The following CNTLN variants were observed in gnomAD, a reference collection of about 807,000 sequenced individuals.
The protein encoded by CNTLN is centlein, also known as centlein, centrosomal protein.
CNTLN carries 212 observed loss-of-function variants against 180.0 expected under a neutral mutation model. The observed-to-expected ratio is 1.18, with a 90% CI of 1.05 to 1.32. CNTLN has a LOEUF of 1.32. Ranked by LOEUF, CNTLN falls within the 40% of genes most tolerant of loss-of-function variation. The pLI, the probability that CNTLN is intolerant of heterozygous loss-of-function variation, is 0.00. For missense variants in CNTLN, 2,095 were observed against 1,610.9 expected, an observed-to-expected ratio of 1.30 and a Z score of -5.14; for synonymous variants, 722 against 563.1, an observed-to-expected ratio of 1.28 and a Z score of -3.99.
intron 5 of CNTLN, among the ~76,000 whole-genome samples, chr9:17,249,517 T>G (rs1826010054): frequency 6.6e-6 from 1 of 151,650 alleles, no homozygotes; most frequent in East Asian, 1.9e-4. Flanking sequence ...CCTGGCTAAT[T>G]TTTTTGTATT....
rs776500259 is a variant in CNTLN at position 17,394,584 on chromosome 9, A to G, written c.2130A>G (p.Lys710=). Residue 710 remains lysine, a synonymous_variant, in exon 15 of 26, where the codon AAA becomes AAG. Coordinates refer to ENST00000380647, the MANE Select transcript of CNTLN (RefSeq NM_017738.4). ...RLKSFEKRSR[K]LKEGNKKLMK... is the part of the protein sequence containing the mutation. Reference sequence around the variant, plus strand: ...AATCTTTTGAGAAAAGGTCGAGAAAATTAAAAGAAGGGAATAAAAAATTAA... The same window carrying G: ...AATCTTTTGAGAAAAGGTCGAGAAAGTTAAAAGAAGGGAATAAAAAATTAA... 3.1e-6 allele frequency: 5 copies of G among 1,593,422 alleles called. No homozygotes were observed. The highest frequency in any genetic ancestry group is 4.3e-6 in the Non-Finnish European group (5 of 1,174,512).
chr9:17,306,213 G>A (rs1003455279), intron 7 of CNTLN, among the ~76,000 whole-genome samples: 2 of 146,254 alleles, frequency 1.4e-5, no homozygotes, highest in African/African-American at 2.5e-5. Flanking sequence ...GCAATGGCAC[G>A]ATCTCATCTC....
chr9:17,258,884 TG>T (rs1473142879), intron 5 of CNTLN, among the ~76,000 whole-genome samples: 13 of 145,994 alleles, frequency 8.9e-5, no homozygotes, highest in African/African-American at 3.4e-4. Context: ...GCTGAGACAG[TG>T]GGGTTTTCTA....
rs114129881 is a variant in CNTLN, at chr9:17,394,932, C to T, written c.2478C>T (p.Thr826=). The change falls in exon 15 of 26, where the codon ACC becomes ACT. Residue 826 remains threonine, a synonymous_variant. Coordinates refer to ENST00000380647, the MANE Select transcript of CNTLN (RefSeq NM_017738.4). ...SGRYDCKTTM[T]KVKFKAAKKN... ...GATATGATTGTAAGACAACTATGACCAAGGTTAAATTTAAAGCTGCGAAGA... is the reference window on the plus strand; with the variant it reads ...GATATGATTGTAAGACAACTATGACTAAGGTTAAATTTAAAGCTGCGAAGA... The T allele has an allele frequency of 6.6e-4, 1,073 of 1,614,006 alleles. 6 individuals are homozygous for T. In the African/African-American group the frequency reaches 0.012, roughly 18 times the overall value.
At chr9:17,226,085 G>A (rs183552338) in intron 2 of CNTLN, 118 bp from the exon 3 acceptor site, 30 of 496,458 alleles carry the variant, frequency 6.0e-5, no homozygotes, top group African/African-American at 5.3e-4. Flanking sequence ...TTGCCATGTG[G>A]TCAACTCAAG....
chr9:17,475,579 A>G (rs1332427800), intron 23 of CNTLN, among the ~76,000 whole-genome samples: 1 of 152,032 alleles, frequency 6.6e-6, no homozygotes, highest in Non-Finnish European at 1.5e-5. Flanking sequence ...AATAGTAAAT[A>G]AAGAAGATAG....
chr9:17,443,237 C>T (rs1025315439), intron 18 of CNTLN, among the ~76,000 whole-genome samples: 1 of 152,112 alleles, frequency 6.6e-6, no homozygotes, highest in Non-Finnish European at 1.5e-5. Context: ...TCATTAGTTC[C>T]CATGCATTAT....
chr9:17,251,900 C>T (rs1285825123), intron 5 of CNTLN, among the ~76,000 whole-genome samples: 1 of 151,804 alleles, frequency 6.6e-6, no homozygotes, highest in Non-Finnish European at 1.5e-5. Context: ...CTCCCACTTT[C>T]CCTTCCTAGT....
intron 2 of CNTLN, among the ~76,000 whole-genome samples, chr9:17,199,348 A>T (rs1241966898): frequency 6.6e-6 from 1 of 151,270 alleles, no homozygotes; most frequent in African/African-American, 2.4e-5. Context: ...AGTAGCTGGG[A>T]CTACAGGCAT....
chr9:17,385,965 T>G (rs1202413857), intron 13 of CNTLN, among the ~76,000 whole-genome samples: 1 of 152,174 alleles, frequency 6.6e-6, no homozygotes, highest in Non-Finnish European at 1.5e-5. Context: ...GATTCTCATT[T>G]TCTTTTCCTA....
At chr9:17,486,919 C>T in intron 24 of CNTLN, 70 bp from the exon 25 acceptor site, 1 of 690,338 alleles carries the variant, frequency 1.4e-6, no homozygotes, top group Admixed American at 3.0e-5. Context: ...CAGATTTATT[C>T]AGTATCTAAT....
intron 5 of CNTLN, among the ~76,000 whole-genome samples, chr9:17,267,348 A>G (rs972767087): frequency 5.9e-5 from 9 of 152,106 alleles, no homozygotes; most frequent in African/African-American, 2.2e-4. Context: ...ATTTTTTTTA[A>G]GAATGTTGAA....
rs1818474299 is a variant in CNTLN at position 17,302,992 on chromosome 9, G to A, written c.1146+4640G>A. Among the ~76,000 whole-genome samples, 3 of 152,106 alleles carry A rather than the reference G, an allele frequency of 2.0e-5. No individual in the cohort carries two copies. In the South Asian group the frequency reaches 6.2e-4, roughly 31 times the overall value. ...TAATAATAATAGTTAACATTTTTTA[G>A]CTTATTGTGTATCAGGCACTGGCGA... On this transcript the variant is annotated intron_variant, in intron 7 of 25. Coordinates refer to ENST00000380647, the MANE Select transcript of CNTLN (RefSeq NM_017738.4).
At chr9:17,416,335 T>A in intron 18 of CNTLN, 146 bp downstream of exon 18, 3 of 583,788 alleles carry the variant, frequency 5.1e-6, no homozygotes, top group Non-Finnish European at 8.5e-6. Context: ...GTGTAATTAG[T>A]TTAATTACTG....
intron 25 of CNTLN, among the ~76,000 whole-genome samples, chr9:17,496,864 C>T (rs1833483841): frequency 6.6e-6 from 1 of 152,088 alleles, no homozygotes; most frequent in African/African-American, 2.4e-5. Flanking sequence ...CTACACAGTT[C>T]CTGGCATTTG....
intron 2 of CNTLN, among the ~76,000 whole-genome samples, chr9:17,209,930 CT>C (rs1170282200): frequency 6.6e-6 from 1 of 152,114 alleles, no homozygotes; most frequent in Non-Finnish European, 1.5e-5. Context: ...ATTTTTCCAT[CT>C]TTATGGATGG....
rs1831639558 is a variant in CNTLN at position 17,464,605 on chromosome 9, A to G, written c.3513A>G (p.Leu1171=). 6.7e-7 allele frequency: 1 copy of G among 1,485,190 alleles called. No homozygotes were observed. The highest frequency in any genetic ancestry group is 1.5e-5 in the African/African-American group (1 of 67,746). 92.0% of individuals were successfully genotyped at this position (1,485,190 alleles called of 1,614,324 possible). The change falls in exon 21 of 26, where the codon TTA becomes TTG. Residue 1171 remains leucine (L), a synonymous_variant. Coordinates refer to ENST00000380647, the MANE Select transcript of CNTLN (RefSeq NM_017738.4). ...GTAACAAGAGTTTTAGTGAAATGTT[A>G]CAAAATCTTGATAAAAAGGTATCAA... is the stretch of plus-strand genomic sequence containing the variant. ...LESNKSFSEM[L]QNLDKKVKTL...
intron 2 of CNTLN, among the ~76,000 whole-genome samples, chr9:17,187,542 T>A (rs991230080): frequency 6.6e-6 from 1 of 152,046 alleles, no homozygotes; most frequent in Non-Finnish European, 1.5e-5. Flanking sequence ...ATTCCCCTAG[T>A]ATTTTTTCTG....
the CNTLN span, among the ~76,000 whole-genome samples, chr9:17,511,789 G>T: frequency 3.3e-5 from 5 of 152,250 alleles, no homozygotes; most frequent in South Asian, 1.0e-3. Context: ...AGGTGTTTAG[G>T]TTTGGTGCTC....
Sources: allele counts gnomAD v4.1 joint callset (sites outside exome capture counted in the v4.1 genomes callset), GRCh38; gene constraint gnomAD v4.1.1; transcripts MANE v1.5; gene names NCBI Gene and HGNC (gene_info 2026-07-23, HGNC 2026-07-21).